ADGB: variants seen among roughly 807,000 people sequenced by gnomAD.
The protein encoded by ADGB is androglobin, also known as calpain-7-like protein.
In ADGB, 172 loss-of-function variants were observed where a neutral mutation model predicts 210.5. The observed-to-expected ratio is 0.82, with a 90% CI of 0.72 to 0.93. The LOEUF (loss-of-function observed/expected upper bound fraction) is 0.93. Ranked by LOEUF, ADGB falls within the 40% of genes least tolerant of loss-of-function variation. The pLI, the probability that ADGB is intolerant of heterozygous loss-of-function variation, is 0.00. For missense variants in ADGB, 2,025 were observed against 1,964.8 expected (o/e 1.03, Z -0.58); for synonymous variants, 658 against 662.7 (o/e 0.99, Z 0.11).
chr6:146,629,398 A>G (rs1781026650), intron 1 of ADGB, among the ~76,000 whole-genome samples: 1 of 152,134 alleles, frequency 6.6e-6, no homozygotes, highest in Non-Finnish European at 1.5e-5. Context: ...AGTAGGAGAC[A>G]CCTCTAATGA....
At chr6:146,787,998 G>A (rs1175906939) in intron 32 of ADGB, among the ~76,000 whole-genome samples, 1 of 152,122 alleles carries the variant, frequency 6.6e-6, no homozygotes, top group Non-Finnish European at 1.5e-5. Flanking sequence ...TTAAATAAAT[G>A]TCTGCATACA....
At position 146,691,288 on chromosome 6, in the gene ADGB, A is replaced by C. The variant is rs945563791; in HGVS notation, c.1484A>C (p.Gln495Pro). ...GAAACTGTTATAACAGATGAAGCTCAAGGTATGTATCACATCATCTTCAAA... is the reference window on the plus strand; with the variant it reads ...GAAACTGTTATAACAGATGAAGCTCCAGGTATGTATCACATCATCTTCAAA... ...KKETVITDEA[Q>P]ELIVKKPERF... Residue 495 changes from glutamine to proline, a missense_variant and splice_region_variant, in exon 11 of 36, where the codon CAA (glutamine) becomes CCA (proline). Physicochemically the swap from Gln to Pro is moderately conservative, Grantham distance 76. Transcript: ENST00000397944. 2 of 1,543,004 alleles carry C rather than the reference A, an allele frequency of 1.3e-6. No homozygotes were observed. The highest frequency in any genetic ancestry group is 1.7e-6 in the Non-Finnish European group (2 of 1,144,794).
intron 5 of ADGB, among the ~76,000 whole-genome samples, chr6:146,661,698 C>T (rs1221736521): frequency 1.3e-5 from 2 of 151,708 alleles, no homozygotes; most frequent in Non-Finnish European, 2.9e-5. Context: ...TTCCTTTATG[C>T]TTTCTCATTC....
At chr6:146,641,442 G>C (rs1775512503) in intron 2 of ADGB, among the ~76,000 whole-genome samples, 1 of 151,120 alleles carries the variant, frequency 6.6e-6, no homozygotes, top group Non-Finnish European at 1.5e-5. Flanking sequence ...AATAGCCAAG[G>C]CAATCCCACG....
chr6:146,800,802 T>A (rs941051066), intron 33 of ADGB, among the ~76,000 whole-genome samples: 1 of 152,212 alleles, frequency 6.6e-6, no homozygotes, highest in Non-Finnish European at 1.5e-5. Context: ...AGTGTAGCAT[T>A]TGGGCAAAGC....
chr6:146,749,670 C>A (rs1384907185), intron 26 of ADGB, among the ~76,000 whole-genome samples: 1 of 152,072 alleles, frequency 6.6e-6, no homozygotes, highest in African/African-American at 2.4e-5. Flanking sequence ...TAAAGACATA[C>A]CTGAGACTCA....
chr6:146,672,922 G>C lies in ADGB; in HGVS notation c.1087+455G>C, dbSNP rs192990730. ...ATTTTTGTGTTTTTAGTAGAGACAG[G>C]GTTTCACCATGTTGGCCAGGCTGGT... On this transcript the variant is annotated intron_variant, in intron 8 of 35. Transcript: ENST00000397944. Among the ~76,000 whole-genome samples, 14 of 151,850 alleles carry C rather than the reference G, an allele frequency of 9.2e-5. 1 individual carries two copies. In the East Asian group the frequency reaches 2.1e-3, roughly 23 times the overall value.
chr6:146,774,882 C>T (rs1201985512), intron 29 of ADGB, among the ~76,000 whole-genome samples: 2 of 152,126 alleles, frequency 1.3e-5, no homozygotes, highest in African/African-American at 2.4e-5. Flanking sequence ...AAGGGATTCT[C>T]GTGCCTCACC....
At chr6:146,808,285 C>T (rs1430249319) in intron 35 of ADGB, among the ~76,000 whole-genome samples, 1 of 152,190 alleles carries the variant, frequency 6.6e-6, no homozygotes. Context: ...CAGGCGTGAG[C>T]CACCACTTTG....
Position 146,815,197 on chromosome 6 carries a change from A to G in ADGB, c.4984A>G (p.Lys1662Glu). The G allele has an allele frequency of 6.6e-7, 1 of 1,505,592 alleles. No individual in the cohort carries two copies. The highest frequency in any genetic ancestry group is 1.3e-5 in the South Asian group (1 of 74,980). The allele number at this position is 1,505,592 out of a possible 1,614,324, so 93.3% of individuals were successfully genotyped here. The change falls in exon 36 of 36, where the codon AAG becomes GAG. Residue 1662 changes from lysine to glutamate, a missense_variant. Coordinates refer to ENST00000397944, the MANE Select transcript of ADGB (RefSeq NM_024694.4). Reference protein sequence around the residue: ...MTPAPDTQKKKKGKKK With the variant: ...MTPAPDTQKKEKGKKK Reference sequence around the variant, plus strand: ...CCCAGCTCCTGACACACAGAAAAAAAAGAAAGGAAAGAAAAAGTAACCAGG... The same window carrying G: ...CCCAGCTCCTGACACACAGAAAAAAGAGAAAGGAAAGAAAAAGTAACCAGG...
chr6:146,668,657 CCTGTGCAATTTTCT>C (rs948901327), intron 7 of ADGB, among the ~76,000 whole-genome samples: 5 of 151,980 alleles, frequency 3.3e-5, no homozygotes, highest in Non-Finnish European at 7.4e-5. Context: ...TACAGTTTTT[CCTGTGCAATTTTCT>C]CTGTGCAATA....
intron 29 of ADGB, among the ~76,000 whole-genome samples, chr6:146,775,473 T>C (rs1413043819): frequency 1.3e-5 from 2 of 152,140 alleles, no homozygotes; most frequent in South Asian, 2.1e-4. Context: ...CTTAAGAAAA[T>C]AGAAGGCTAG....
At chr6:146,736,261 A>G (rs1777076834) in intron 22 of ADGB, among the ~76,000 whole-genome samples, 2 of 152,194 alleles carry the variant, frequency 1.3e-5, no homozygotes, top group Non-Finnish European at 2.9e-5. Context: ...GTCAAGCAAT[A>G]TTCTAAAACT....
chr6:146,740,046 C>T (rs536017485), intron 23 of ADGB, among the ~76,000 whole-genome samples: 44 of 152,346 alleles, frequency 2.9e-4, no homozygotes, highest in African/African-American at 1.0e-3. Context: ...TCACTTTAAA[C>T]TCCATTTCAG....
chr6:146,749,929 A>G (rs1222231229), intron 26 of ADGB, among the ~76,000 whole-genome samples: 1 of 152,114 alleles, frequency 6.6e-6, no homozygotes, highest in Non-Finnish European at 1.5e-5. Context: ...TTCCATCCCC[A>G]TGATCCAATC....
chr6:146,675,374 C>T (rs892160653), intron 8 of ADGB, among the ~76,000 whole-genome samples: 2 of 151,826 alleles, frequency 1.3e-5, no homozygotes, highest in African/African-American at 4.8e-5. Flanking sequence ...ATTCAGGAGG[C>T]TGAAGTGGGA....
chr6:146,700,454 A>G (rs1776474461), intron 12 of ADGB, among the ~76,000 whole-genome samples: 1 of 152,200 alleles, frequency 6.6e-6, no homozygotes, highest in Non-Finnish European at 1.5e-5. Context: ...TTACGTACCT[A>G]TAAAATTCTA....
At chr6:146,810,517 A>G (rs1229573882) in intron 35 of ADGB, among the ~76,000 whole-genome samples, 1 of 152,166 alleles carries the variant, frequency 6.6e-6, no homozygotes, top group African/African-American at 2.4e-5. Flanking sequence ...TCATGGCAGC[A>G]TTATTTACAA....
Position 146,701,438 on chromosome 6 carries a change from G to A in ADGB, c.1707+368G>A, listed in dbSNP as rs150866533. On this transcript the variant is annotated intron_variant, in intron 13 of 35. Transcript: ENST00000397944. ...AATGGTATTTATTGTATAAAATTAT[G>A]CTACAAATGGTTTTTAGTCTATCAC... Among the ~76,000 whole-genome samples the A allele has an allele frequency of 6.1e-3, 922 of 152,012 alleles. 9 individuals are homozygous for A. Among genetic ancestry groups the A allele is most frequent in the African/African-American group, 0.019 (807 of 41,490 alleles).
Sources: allele counts gnomAD v4.1 joint callset (sites outside exome capture counted in the v4.1 genomes callset), GRCh38; gene constraint gnomAD v4.1.1; transcripts MANE v1.5; gene names NCBI Gene and HGNC (gene_info 2026-07-23, HGNC 2026-07-21).